CLIC5: variants seen among roughly 807,000 people sequenced by gnomAD.
CLIC5 encodes the protein CLIC family member 5.
In CLIC5, 20 loss-of-function variants were observed where a neutral mutation model predicts 24.7. That is an observed-to-expected ratio of 0.81 (90% confidence interval 0.57 to 1.18). The LOEUF is 1.18. CLIC5 is among the 50% of genes most tolerant of loss of function. CLIC5 has a pLI of 0.00. For synonymous variants in CLIC5, 159 were observed against 135.6 expected (o/e 1.17, Z -1.20); for missense variants, 341 against 326.1 (o/e 1.05, Z -0.35).
At chr6:45,982,920 A>T (rs1765614700) in intron 1 of CLIC5, among the ~76,000 whole-genome samples, 1 of 152,216 alleles carries the variant, frequency 6.6e-6, no homozygotes, top group Admixed American at 6.5e-5. Context: ...GTAAGAGCTG[A>T]AAAGAATAAT....
chr6:45,938,694 T>C (rs143853028), intron 4 of CLIC5, among the ~76,000 whole-genome samples: 3 of 152,324 alleles, frequency 2.0e-5, no homozygotes, highest in African/African-American at 7.2e-5. Context: ...AAACTGGCTT[T>C]GGACTTGGGA....
At chr6:45,961,746 T>C (rs1764849599) in intron 1 of CLIC5, among the ~76,000 whole-genome samples, 1 of 152,118 alleles carries the variant, frequency 6.6e-6, no homozygotes, top group Non-Finnish European at 1.5e-5. Context: ...GTGGTCCACA[T>C]GAGGACAGAG....
chr6:46,081,036 G>A (rs962932933), upstream of CLIC5, among the ~76,000 whole-genome samples: 5 of 152,120 alleles, frequency 3.3e-5, no homozygotes, highest in East Asian at 1.9e-4. Flanking sequence ...CAACAAAAGC[G>A]TTAGAAGACA....
At chr6:45,997,068 A>G (rs1008213176) in intron 1 of CLIC5, among the ~76,000 whole-genome samples, 18 of 152,076 alleles carry the variant, frequency 1.2e-4, no homozygotes, top group Non-Finnish European at 2.2e-4. Context: ...TGTTTATTGC[A>G]GCATTATTCA....
chr6:45,945,505 C>G (rs368842376), intron 3 of CLIC5, among the ~76,000 whole-genome samples: 65 of 152,246 alleles, frequency 4.3e-4, no homozygotes, highest in African/African-American at 1.4e-3. Context: ...CTCTCTCTCC[C>G]TGAAGGAGCC....
chr6:45,916,641 A>G (rs1442749811), intron 4 of CLIC5, among the ~76,000 whole-genome samples: 6 of 152,222 alleles, frequency 3.9e-5, no homozygotes, highest in Admixed American at 1.3e-4. Flanking sequence ...GTCTGTGCCC[A>G]TGTCACCAGG....
intron 4 of CLIC5, among the ~76,000 whole-genome samples, chr6:45,936,368 C>T (rs760608419): frequency 6.6e-6 from 1 of 151,876 alleles, no homozygotes; most frequent in African/African-American, 2.4e-5. Flanking sequence ...CCATACCCTG[C>T]TAATTTTTGT....
At chr6:46,110,260 C>A in the CLIC5 span, among the ~76,000 whole-genome samples, 1 of 152,194 alleles carries the variant, frequency 6.6e-6, no homozygotes, top group Admixed American at 6.5e-5. Flanking sequence ...GCTCCCAGAG[C>A]TCAGGGCCTT....
intron 1 of CLIC5, among the ~76,000 whole-genome samples, chr6:46,057,253 T>C (rs1301692438): frequency 6.6e-6 from 1 of 152,208 alleles, no homozygotes; most frequent in Non-Finnish European, 1.5e-5. Flanking sequence ...AATTCAATCA[T>C]GAGGACTGGT....
At chr6:45,922,574 C>A (rs181075239) in intron 4 of CLIC5, among the ~76,000 whole-genome samples, 247 of 152,156 alleles carry the variant, frequency 1.6e-3, no homozygotes, top group African/African-American at 5.6e-3. Context: ...GTTTAAAACA[C>A]CAGCATGGTA....
intron 1 of CLIC5, among the ~76,000 whole-genome samples, chr6:46,075,876 ATCTCTAGAG>A (rs1004155026): frequency 5.9e-5 from 9 of 152,158 alleles, no homozygotes; most frequent in African/African-American, 1.9e-4. Flanking sequence ...GCTCACTATA[ATCTCTAGAG>A]TCAACCATGG....
rs1004919673 is a variant in CLIC5, at chr6:45,898,744, T to C, written c.*4344A>G. On this transcript the variant is annotated 3_prime_UTR_variant, in exon 6 of 6. Transcript: ENST00000339561. ...TTAAGCTAGTTAACTCCCCAGCTTA[T>C]AAAATAGGACAACGAGGTGGCCAGG... 1 of 152,636 alleles carries C rather than the reference T, an allele frequency of 6.6e-6. No homozygotes were observed. The highest frequency in any genetic ancestry group is 1.5e-5 in the Non-Finnish European group (1 of 68,040). The allele number at this position is 152,636 out of a possible 1,614,324, so 9.5% of individuals were successfully genotyped here.
chr6:46,074,683 T>A (rs945530850), intron 1 of CLIC5, among the ~76,000 whole-genome samples: 2 of 152,196 alleles, frequency 1.3e-5, no homozygotes, highest in Non-Finnish European at 2.9e-5. Context: ...GTTGTTCTTA[T>A]GTCAACTTTT....
At chr6:45,987,779 C>A (rs1198832768) in intron 1 of CLIC5, among the ~76,000 whole-genome samples, 1 of 152,194 alleles carries the variant, frequency 6.6e-6, no homozygotes, top group African/African-American at 2.4e-5. Flanking sequence ...TGTTATAAAT[C>A]CCCCAATCCT....
chr6:45,888,619 A>G (rs1251353646), intron 6 of CLIC5, among the ~76,000 whole-genome samples: 1 of 152,238 alleles, frequency 6.6e-6, no homozygotes, highest in Non-Finnish European at 1.5e-5. Context: ...TATCATAAAC[A>G]TATTTTGATA....
chr6:46,124,390 C>A, the CLIC5 span, among the ~76,000 whole-genome samples: 1 of 152,186 alleles, frequency 6.6e-6, no homozygotes, highest in East Asian at 1.9e-4. Flanking sequence ...ATGTAGAAAG[C>A]TGAAACTGGA....
At chr6:45,933,676 T>C (rs1036581264) in intron 4 of CLIC5, among the ~76,000 whole-genome samples, 2 of 152,072 alleles carry the variant, frequency 1.3e-5, no homozygotes, top group African/African-American at 4.8e-5. Flanking sequence ...TCTTTGCACA[T>C]CTAGTGCAGG....
chr6:45,932,382 C>T (rs1032148262), intron 4 of CLIC5, among the ~76,000 whole-genome samples: 3 of 152,244 alleles, frequency 2.0e-5, no homozygotes, highest in Admixed American at 2.0e-4. Flanking sequence ...GCTGGGATTA[C>T]AGGCGTGAGC....
the CLIC5 span, among the ~76,000 whole-genome samples, chr6:46,127,287 A>C: frequency 1.2e-4 from 18 of 152,104 alleles, no homozygotes. Context: ...ATTTAACTAT[A>C]GTCACCCTAC....
Sources: allele counts gnomAD v4.1 joint callset (sites outside exome capture counted in the v4.1 genomes callset), GRCh38; gene constraint gnomAD v4.1.1; transcripts MANE v1.5; gene names NCBI Gene and HGNC (gene_info 2026-07-23, HGNC 2026-07-21).